THAP12: variants seen among roughly 807,000 people sequenced by gnomAD.
The protein encoded by THAP12 is THAP domain containing 12, also known as 52 kDa repressor of the inhibitor of the protein kinase.
Under a neutral mutation model 63.0 loss-of-function variants are expected in THAP12, and 20 were observed. The ratio of observed to expected loss-of-function variants is 0.32; its 90% CI spans 0.22 to 0.46. The LOEUF is 0.46. THAP12 is among the 20% of genes least tolerant of loss of function. The probability of loss-of-function intolerance (pLI) is 1.00; values close to 1 mark genes in which losing one functional copy is unlikely to be tolerated. For synonymous variants in THAP12, 264 were observed against 328.4 expected (o/e 0.80, Z 2.12); for missense variants, 568 against 908.2 (o/e 0.63, Z 4.81).
chr11:76,357,610 T>C (rs534754989), intron 3 of THAP12: 3 of 152,272 alleles, frequency 2.0e-5, no homozygotes, highest in Non-Finnish European at 2.9e-5. Flanking sequence ...CAGACTTGAA[T>C]AGCAATAATG....
chr11:76,374,381 TTA>T (rs1398037315), intron 1 of THAP12, among the ~76,000 whole-genome samples: 1 of 84,454 alleles, frequency 1.2e-5, no homozygotes, highest in Non-Finnish European at 2.4e-5. Flanking sequence ...ATGCAATTCA[TTA>T]TACAAAAAAA....
chr11:76,370,241 A>G (rs1285595956), intron 1 of THAP12, among the ~76,000 whole-genome samples: 1 of 152,206 alleles, frequency 6.6e-6, no homozygotes, highest in Non-Finnish European at 1.5e-5. Context: ...GAAGCAGAGG[A>G]AGTTTGGGAC....
chr11:76,376,032 C>T (rs1039291353), intron 1 of THAP12, among the ~76,000 whole-genome samples: 8 of 152,042 alleles, frequency 5.3e-5, no homozygotes, highest in African/African-American at 1.4e-4. Flanking sequence ...AAAGTGGATT[C>T]GAGGTTACCA....
chr11:76,380,533 C>A (rs1157682040), intron 1 of THAP12, among the ~76,000 whole-genome samples: 1 of 152,184 alleles, frequency 6.6e-6, no homozygotes, highest in African/African-American at 2.4e-5. Context: ...CGCAGAGCCC[C>A]CACCAGCGCA....
At chr11:76,360,871 G>C (rs1392173442) in intron 3 of THAP12, 85 bp downstream of exon 3, 1 of 900,822 alleles carries the variant, frequency 1.1e-6, no homozygotes, top group Non-Finnish European at 1.8e-6. Flanking sequence ...AGAGTAATTT[G>C]GATTAATTTT....
intron 1 of THAP12, among the ~76,000 whole-genome samples, chr11:76,371,298 G>A (rs11600953): frequency 0.16 from 23,791 of 152,114 alleles, 2,252 homozygotes; most frequent in Non-Finnish European, 0.23. Flanking sequence ...CCTTCCCTGC[G>A]CTGTTTACTC....
intron 1 of THAP12, among the ~76,000 whole-genome samples, chr11:76,372,110 C>G (rs1208308684): frequency 6.6e-6 from 1 of 152,024 alleles, no homozygotes; most frequent in South Asian, 2.1e-4. Flanking sequence ...CGTGCCTGGC[C>G]TATCTTTTAT....
intron 2 of THAP12, among the ~76,000 whole-genome samples, chr11:76,365,057 G>A (rs1344701779): frequency 6.6e-6 from 1 of 152,104 alleles, no homozygotes; most frequent in African/African-American, 2.4e-5. Flanking sequence ...GAGGTGGGCG[G>A]GTCACTTGAG....
intron 1 of THAP12, among the ~76,000 whole-genome samples, chr11:76,370,431 C>T (rs539688845): frequency 1.3e-3 from 201 of 151,550 alleles, no homozygotes; most frequent in Admixed American, 8.6e-3. Flanking sequence ...GGTGCAATCT[C>T]GGCTCACTGC....
chr11:76,361,016 A>G lies in THAP12; in HGVS notation c.258T>C (p.Phe86=). The G allele has an allele frequency of 6.2e-7, 1 of 1,611,232 alleles. No individual in the cohort carries two copies. ...VLRDNAIPTI[F]DLTSHLNNPH... ...GGTTGTTCAAATGACTGGTAAGATC[A>G]AATATTGTTGGTATTGCATTATCTC... The change falls in exon 3 of 5, where the codon TTT becomes TTC. Residue 86 remains phenylalanine, a synonymous_variant. Transcript: ENST00000260045.
At chr11:76,368,663 T>C (rs1565234744) in intron 1 of THAP12, 1 of 152,158 alleles carries the variant, frequency 6.6e-6, no homozygotes, top group Non-Finnish European at 1.5e-5. Flanking sequence ...CAGCAGCAAA[T>C]ATGGATTTTT....
intron 4 of THAP12, among the ~76,000 whole-genome samples, chr11:76,355,005 T>C (rs963501874): frequency 1.3e-5 from 2 of 152,122 alleles, no homozygotes; most frequent in African/African-American, 4.8e-5. Context: ...TTAATACAAG[T>C]AAAGCACTTA....
intron 1 of THAP12, among the ~76,000 whole-genome samples, chr11:76,380,056 T>C (rs1205677605): frequency 6.6e-6 from 1 of 152,160 alleles, no homozygotes; most frequent in Non-Finnish European, 1.5e-5. Flanking sequence ...CTATGAAACA[T>C]CTCAGCCTTT....
Position 76,367,067 on chromosome 11 carries a change from ATTTCT to A in THAP12, c.90-1100_90-1096del, listed in dbSNP as rs1446567675. Among the ~76,000 whole-genome samples, 24 of 150,404 alleles carry A rather than the reference ATTTCT, an allele frequency of 1.6e-4. 1 individual carries two copies. Among genetic ancestry groups the A allele is most frequent in the Middle Eastern group, 3.4e-3 (1 of 292 alleles). On this transcript the variant is annotated intron_variant, in intron 1 of 4. Transcript: ENST00000260045. ...AAGTCACAACTAGATCTTTCCTCAA[ATTTCT>A]TTTCTTTTCTTTTTTTTTTTTGAGA...
chr11:76,373,302 T>C (rs1298332546), intron 1 of THAP12, among the ~76,000 whole-genome samples: 1 of 148,378 alleles, frequency 6.7e-6, no homozygotes, highest in Admixed American at 6.8e-5. Context: ...CTGGAGATCG[T>C]GTCATTGCAC....
intron 1 of THAP12, among the ~76,000 whole-genome samples, chr11:76,373,441 C>T (rs997550402): frequency 3.3e-5 from 5 of 151,338 alleles, no homozygotes; most frequent in East Asian, 3.9e-4. Flanking sequence ...TCAGGCTGGG[C>T]GTGGTGTCTC....
intron 4 of THAP12, among the ~76,000 whole-genome samples, chr11:76,354,174 T>A (rs1371984024): frequency 6.6e-6 from 1 of 152,204 alleles, no homozygotes; most frequent in Non-Finnish European, 1.5e-5. Flanking sequence ...GCTGCCCAAG[T>A]ACAAAGGGAA....
chr11:76,361,004 A>C lies in THAP12; in HGVS notation c.270T>G (p.Ser90Arg). 1 of 1,611,044 alleles carries C rather than the reference A, an allele frequency of 6.2e-7. No individual in the cohort carries two copies. The highest frequency in any genetic ancestry group is 8.5e-7 in the Non-Finnish European group (1 of 1,178,998). Reference protein sequence around the residue: ...NAIPTIFDLTSHLNNPHSRHR... With the variant: ...NAIPTIFDLTRHLNNPHSRHR... Reference sequence around the variant, plus strand: ...GTCTACTATGTGGGTTGTTCAAATGACTGGTAAGATCAAATATTGTTGGTA... The same window carrying C: ...GTCTACTATGTGGGTTGTTCAAATGCCTGGTAAGATCAAATATTGTTGGTA... The change falls in exon 3 of 5, where the codon AGT becomes AGG. Residue 90 changes from serine (S) to arginine (R), a missense_variant. Physicochemically the swap from Ser to Arg is moderately radical, Grantham distance 110 (BLOSUM62 -1). Coordinates refer to ENST00000260045, the MANE Select transcript of THAP12 (RefSeq NM_004705.4).
Position 76,361,003 on chromosome 11 carries a change from G to A in THAP12, c.271C>T (p.His91Tyr). ...AIPTIFDLTS[H>Y]LNNPHSRHRK... ...TGTCTACTATGTGGGTTGTTCAAAT[G>A]ACTGGTAAGATCAAATATTGTTGGT... The change falls in exon 3 of 5, where the codon CAT (histidine) becomes TAT (tyrosine). Residue 91 changes from histidine (H) to tyrosine (Y), a missense_variant. Physicochemically the swap from His to Tyr is moderately conservative, Grantham distance 83. Coordinates refer to ENST00000260045, the MANE Select transcript of THAP12 (RefSeq NM_004705.4). The A allele has an allele frequency of 6.2e-7, 1 of 1,610,888 alleles. No individual in the cohort carries two copies. The highest frequency in any genetic ancestry group is 8.5e-7 in the Non-Finnish European group (1 of 1,178,910).
Sources: gnomAD v4.1 joint callset for allele counts (sites outside exome capture counted in the v4.1 genomes callset) on GRCh38, gnomAD v4.1.1 for gene constraint, MANE v1.5 for transcripts, NCBI Gene and HGNC (gene_info 2026-07-23, HGNC 2026-07-21) for gene names.